The following LRP1B variants were observed in gnomAD, a reference collection of about 807,000 sequenced individuals.
LRP1B encodes low-density lipoprotein receptor-related protein 1B.
A neutral mutation model predicts 556.6 loss-of-function variants in LRP1B; 217 were observed. That is an observed-to-expected ratio of 0.39 (90% CI 0.35 to 0.44). The LOEUF (loss-of-function observed/expected upper bound fraction) is 0.44, where lower values mean the gene tolerates loss of function less well. Ranked by LOEUF, LRP1B falls within the 20% of genes least tolerant of loss-of-function variation. The pLI is 1.00. For missense variants in LRP1B, 5,053 were observed against 5,620.8 expected (o/e 0.90, Z 3.23); for synonymous variants, 2,047 against 1,865.8 (o/e 1.10, Z -2.50).
intron 41 of LRP1B, among the ~76,000 whole-genome samples, chr2:140,687,206 A>G (rs1485910067): frequency 6.6e-6 from 1 of 152,148 alleles, no homozygotes; most frequent in Non-Finnish European, 1.5e-5. Flanking sequence ...AAATTGCCCA[A>G]GGAAATGGAA....
At chr2:141,259,634 C>G (rs969205110) in intron 3 of LRP1B, among the ~76,000 whole-genome samples, 1 of 152,170 alleles carries the variant, frequency 6.6e-6, no homozygotes, top group African/African-American at 2.4e-5. Context: ...GGGAAGTCAA[C>G]CACTGATAAC....
At chr2:141,998,221 T>C (rs949656825) in intron 1 of LRP1B, among the ~76,000 whole-genome samples, 4 of 152,064 alleles carry the variant, frequency 2.6e-5, no homozygotes, top group African/African-American at 9.7e-5. Context: ...TCTTAGTAGA[T>C]TTCTATAATT....
At chr2:142,095,440 A>G (rs1706326840) in intron 1 of LRP1B, among the ~76,000 whole-genome samples, 2 of 151,860 alleles carry the variant, frequency 1.3e-5, no homozygotes, top group Non-Finnish European at 2.9e-5. Flanking sequence ...TAGTTTACAT[A>G]AACAACCATT....
intron 81 of LRP1B, 151 bp from the exon 82 acceptor site, chr2:140,322,239 C>T (rs1478678842): frequency 2.8e-6 from 2 of 703,898 alleles, no homozygotes; most frequent in South Asian, 1.9e-5. Flanking sequence ...CACTCAATAT[C>T]ATCATTCTCC....
chr2:140,748,154 GTATATATTCATATATAT>G (rs1257986183), intron 35 of LRP1B, among the ~76,000 whole-genome samples: 1 of 127,336 alleles, frequency 7.9e-6, no homozygotes, highest in Non-Finnish European at 1.6e-5. Flanking sequence ...ATATATGTGT[GTATATATTCATATATAT>G]TATATATTCA....
chr2:141,755,964 A>G (rs1370061516), intron 2 of LRP1B, among the ~76,000 whole-genome samples: 1 of 149,156 alleles, frequency 6.7e-6, no homozygotes, highest in Admixed American at 6.8e-5. Context: ...AGTGTTGTTC[A>G]CACAAATAGG....
At chr2:141,198,605 G>C (rs141565639) in intron 6 of LRP1B, among the ~76,000 whole-genome samples, 1 of 151,980 alleles carries the variant, frequency 6.6e-6, no homozygotes, top group Non-Finnish European at 1.5e-5. Context: ...GTTTGGGGGA[G>C]GAGGCACAGG....
chr2:140,235,293 A>T (rs1437295942), intron 89 of LRP1B, among the ~76,000 whole-genome samples: 2 of 151,262 alleles, frequency 1.3e-5, no homozygotes, highest in Non-Finnish European at 3.0e-5. Context: ...CCTTTTGATT[A>T]TAAGATACCA....
intron 2 of LRP1B, among the ~76,000 whole-genome samples, chr2:141,729,430 A>G (rs939155395): frequency 6.6e-6 from 1 of 152,114 alleles, no homozygotes; most frequent in Non-Finnish European, 1.5e-5. Flanking sequence ...AGATTATCAC[A>G]TTTTACCAAG....
intron 2 of LRP1B, among the ~76,000 whole-genome samples, chr2:141,782,218 T>C (rs1695277714): frequency 1.3e-5 from 2 of 152,096 alleles, no homozygotes. Flanking sequence ...TTTAATGCCA[T>C]AGGTACAGAT....
At chr2:140,517,860 G>A (rs185916505) in intron 49 of LRP1B, among the ~76,000 whole-genome samples, 88 of 151,876 alleles carry the variant, frequency 5.8e-4, no homozygotes, top group Non-Finnish European at 5.6e-4. Flanking sequence ...ACAGGCTTGT[G>A]CCACCATGCC....
intron 2 of LRP1B, among the ~76,000 whole-genome samples, chr2:141,587,573 A>G (rs1460283533): frequency 2.0e-5 from 3 of 152,190 alleles, no homozygotes; most frequent in Non-Finnish European, 4.4e-5. Flanking sequence ...TGTTCTGTGA[A>G]TAATATGCAA....
At chr2:141,711,157 C>A (rs1466481749) in intron 2 of LRP1B, among the ~76,000 whole-genome samples, 1 of 152,114 alleles carries the variant, frequency 6.6e-6, no homozygotes, top group Non-Finnish European at 1.5e-5. Context: ...AGGACATTAA[C>A]CCTAATGCAA....
At chr2:141,595,060 C>A (rs1203241113) in intron 2 of LRP1B, among the ~76,000 whole-genome samples, 1 of 151,888 alleles carries the variant, frequency 6.6e-6, no homozygotes. Flanking sequence ...CGGAATAGTA[C>A]AAACAGAATA....
chr2:141,414,422 T>C (rs76071214), intron 3 of LRP1B, among the ~76,000 whole-genome samples: 3,453 of 151,956 alleles, frequency 0.023, 138 homozygotes, highest in African/African-American at 0.078. Flanking sequence ...TCCCCCCTCA[T>C]ACTGTGCCTC....
At position 140,540,970 on chromosome 2, in the gene LRP1B, TACTC is replaced by T; in HGVS notation, c.7512_7513+2del. The T allele has an allele frequency of 6.2e-7, 1 of 1,606,156 alleles. No individual in the cohort carries two copies. Among genetic ancestry groups the T allele is most frequent in the Non-Finnish European group, 8.5e-7 (1 of 1,176,208 alleles). On this transcript the variant is annotated splice_donor_variant and coding_sequence_variant, in exon 45 of 91. Coordinates refer to ENST00000389484, the MANE Select transcript of LRP1B (RefSeq NM_018557.3). LOFTEE classifies it high-confidence loss of function. ...ATATTACATTTCAATTCCCTTTACT[TACTC>T]ACACATCTGTTGTCCTCTAGCAATA...
intron 86 of LRP1B, among the ~76,000 whole-genome samples, chr2:140,254,849 G>T (rs1681608676): frequency 6.6e-6 from 1 of 152,044 alleles, no homozygotes; most frequent in Admixed American, 6.6e-5. Context: ...ACCCCACCGT[G>T]CCTGGCCCCA....
rs745670014 is a variant in LRP1B at position 142,058,944 on chromosome 2, T to TA, written c.82+71703dup. ...TTTTCTACCACAAGTTCCACATTTGTAAAATAGGAGAAATAGTAGGGCATG... is the reference window on the plus strand; with the variant it reads ...TTTTCTACCACAAGTTCCACATTTGTAAAAATAGGAGAAATAGTAGGGCATG... On this transcript the variant is annotated intron_variant, in intron 1 of 90. Coordinates refer to ENST00000389484, the MANE Select transcript of LRP1B (RefSeq NM_018557.3). Among the ~76,000 whole-genome samples the TA allele has an allele frequency of 7.1e-4, 108 of 152,276 alleles. 1 individual carries two copies. Among genetic ancestry groups the TA allele is most frequent in the Non-Finnish European group, 1.0e-3 (68 of 68,026 alleles).
At chr2:141,358,919 T>G (rs1249908374) in intron 3 of LRP1B, among the ~76,000 whole-genome samples, 2 of 152,058 alleles carry the variant, frequency 1.3e-5, no homozygotes, top group Non-Finnish European at 2.9e-5. Context: ...CTGATAAAAA[T>G]TACTTACAAA....
Sources: gnomAD v4.1 joint callset for allele counts (sites outside exome capture counted in the v4.1 genomes callset) on GRCh38, gnomAD v4.1.1 for gene constraint, MANE v1.5 for transcripts, NCBI Gene and HGNC (gene_info 2026-07-23, HGNC 2026-07-21) for gene names.